SDK1: variants seen among roughly 807,000 people sequenced by gnomAD.
The protein encoded by SDK1 is sidekick cell adhesion molecule 1.
Under a neutral mutation model 245.5 loss-of-function variants are expected in SDK1, and 157 were observed. The ratio of observed to expected loss-of-function variants is 0.64; its 90% CI spans 0.56 to 0.73. The LOEUF is 0.73. SDK1 is among the 30% of genes least tolerant of loss of function. The probability of loss-of-function intolerance (pLI) is 0.00; values close to 1 mark genes in which losing one functional copy is unlikely to be tolerated. For missense variants in SDK1, 3,583 were observed against 3,002.3 expected, an observed-to-expected ratio of 1.19 and a Z score of -4.52; for synonymous variants, 1,647 against 1,278.5, an observed-to-expected ratio of 1.29 and a Z score of -6.15.
intron 44 of SDK1, among the ~76,000 whole-genome samples, 192 bp downstream of exon 44, chr7:4,245,997 G>A (rs564493756): frequency 9.2e-5 from 14 of 152,268 alleles, no homozygotes; most frequent in Admixed American, 3.9e-4. Flanking sequence ...TCTGGGCCCC[G>A]CAGAGCTCAC....
chr7:4,112,765 T>A (rs1232080765), intron 23 of SDK1, among the ~76,000 whole-genome samples: 1 of 151,924 alleles, frequency 6.6e-6, no homozygotes, highest in African/African-American at 2.4e-5. Flanking sequence ...TGCATTTTTT[T>A]TTTTTCTGAG....
In SDK1 at chr7:4,029,227, T is replaced by TG. The variant is rs1318953165; in HGVS notation, c.2602+11875_2602+11876insG. On this transcript the variant is annotated intron_variant, in intron 17 of 44. Transcript: ENST00000404826. Reference sequence around the variant, plus strand: ...CTTTTATTCTTTCTTTTTTTTTTTTTTTGTGAAGAAGTCTCACTCTGTCAT... The same window carrying TG: ...CTTTTATTCTTTCTTTTTTTTTTTTTGTTGTGAAGAAGTCTCACTCTGTCAT... 3.7e-5 allele frequency among the ~76,000 whole-genome samples: 5 copies of TG among 136,346 alleles called. 1 individual carries two copies. The highest frequency in any genetic ancestry group is 1.7e-4 in the African/African-American group (5 of 29,560). 89.4% of individuals were successfully genotyped at this position (136,346 alleles called of 152,430 possible).
chr7:3,625,073 T>A (rs1782072315), intron 2 of SDK1, among the ~76,000 whole-genome samples: 1 of 152,106 alleles, frequency 6.6e-6, no homozygotes, highest in African/African-American at 2.4e-5. Context: ...TATATTCAAA[T>A]GAGTTCTCAA....
At chr7:3,795,205 C>T (rs756728548) in intron 4 of SDK1, among the ~76,000 whole-genome samples, 70 of 152,146 alleles carry the variant, frequency 4.6e-4, no homozygotes, top group Non-Finnish European at 9.1e-4. Flanking sequence ...TGTTAGGACT[C>T]AGACATGTCT....
intron 1 of SDK1, among the ~76,000 whole-genome samples, chr7:3,344,312 C>T (rs1208100284): frequency 1.3e-5 from 2 of 152,276 alleles, no homozygotes; most frequent in South Asian, 2.1e-4. Flanking sequence ...GCATCAAATA[C>T]GTTCACATTG....
intron 2 of SDK1, among the ~76,000 whole-genome samples, chr7:3,626,621 G>C (rs80346012): frequency 0.024 from 3,657 of 152,306 alleles, 155 homozygotes; most frequent in African/African-American, 0.083. Flanking sequence ...AGTACTAAGA[G>C]ATACCCCATT....
chr7:3,403,897 A>T (rs1402794340), intron 1 of SDK1, among the ~76,000 whole-genome samples: 2 of 136,904 alleles, frequency 1.5e-5, no homozygotes, highest in African/African-American at 5.5e-5. Context: ...TATTATATAT[A>T]TATTTATTTA....
intron 1 of SDK1, among the ~76,000 whole-genome samples, chr7:3,481,021 T>C (rs1477910924): frequency 1.3e-5 from 2 of 152,222 alleles, no homozygotes; most frequent in African/African-American, 4.8e-5. Flanking sequence ...TTTTTACCTA[T>C]TCTGACAATA....
intron 40 of SDK1, among the ~76,000 whole-genome samples, chr7:4,222,857 C>G (rs1332705575): frequency 2.6e-5 from 4 of 152,098 alleles, no homozygotes; most frequent in Non-Finnish European, 4.4e-5. Context: ...TGGCCCTTTG[C>G]TAATGACTTT....
At chr7:3,572,899 G>A (rs1780160401) in intron 1 of SDK1, among the ~76,000 whole-genome samples, 1 of 152,066 alleles carries the variant, frequency 6.6e-6, no homozygotes. Flanking sequence ...TCCATTGGAA[G>A]ACATGTTTCA....
intron 4 of SDK1, among the ~76,000 whole-genome samples, chr7:3,719,020 A>G (rs1281092861): frequency 3.3e-5 from 5 of 152,248 alleles, no homozygotes; most frequent in African/African-American, 1.2e-4. Context: ...AATGCCATTT[A>G]TAATTGTTCC....
chr7:3,969,473 C>A, intron 11 of SDK1, 49 bp downstream of exon 11: 4 of 1,421,344 alleles, frequency 2.8e-6, no homozygotes, highest in Admixed American at 2.2e-5. Context: ...ACGGTTTAAT[C>A]ATCACGTCAT....
intron 1 of SDK1, among the ~76,000 whole-genome samples, chr7:3,583,639 A>G (rs561010994): frequency 2.6e-4 from 39 of 152,304 alleles, no homozygotes; most frequent in African/African-American, 8.4e-4. Context: ...AGTCTCTGGC[A>G]TCTGTGCTTC....
chr7:3,429,961 C>T (rs776980471), intron 1 of SDK1, among the ~76,000 whole-genome samples: 1 of 152,188 alleles, frequency 6.6e-6, no homozygotes, highest in Admixed American at 6.5e-5. Flanking sequence ...GTATGTGTCT[C>T]TCTATCTGTA....
chr7:3,486,560 C>A (rs17133420), intron 1 of SDK1, among the ~76,000 whole-genome samples: 39,900 of 151,806 alleles, frequency 0.26, 5,428 homozygotes, highest in East Asian at 0.34. Context: ...TTTTCTGACC[C>A]TGCTGTGGCT....
intron 1 of SDK1, among the ~76,000 whole-genome samples, chr7:3,590,910 G>A (rs1780850078): frequency 6.6e-6 from 1 of 151,354 alleles, no homozygotes; most frequent in African/African-American, 2.4e-5. Context: ...AGCTTCCCAA[G>A]TAGCTGAGAC....
chr7:4,144,140 G>C (rs1584279078), intron 28 of SDK1, among the ~76,000 whole-genome samples: 1 of 152,172 alleles, frequency 6.6e-6, no homozygotes, highest in Middle Eastern at 3.4e-3. Context: ...GGGGAGGCGT[G>C]GGGGAAGGGG....
Position 3,951,887 on chromosome 7 carries a change from C to G in SDK1, c.1117C>G (p.Pro373Ala), listed in dbSNP as rs374281369. The G allele has an allele frequency of 1.2e-6, 2 of 1,613,420 alleles. No homozygotes were observed. Among genetic ancestry groups the G allele is most frequent in the African/African-American group, 1.3e-5 (1 of 75,034 alleles). ...EAALPGSAFE[P>A]ARATAFLFII... The stretch of plus-strand genomic sequence containing the variant: ...GGCGCTGCCGGGGAGCGCTTTTGAA[C>G]CGGCCAGGGCGACGGCCTTTCTTTT... Residue 373 changes from proline to alanine, a missense_variant, in exon 7 of 45, where the codon CCG becomes GCG. Coordinates refer to ENST00000404826, the MANE Select transcript of SDK1 (RefSeq NM_152744.4).
intron 32 of SDK1, among the ~76,000 whole-genome samples, chr7:4,172,331 C>T (rs536340561): frequency 7.2e-5 from 11 of 152,142 alleles, no homozygotes; most frequent in Non-Finnish European, 1.5e-4. Context: ...ATGTGCGTGT[C>T]GCATGCTGCA....
Sources: gnomAD v4.1 joint callset for allele counts (sites outside exome capture counted in the v4.1 genomes callset) on GRCh38, gnomAD v4.1.1 for gene constraint, MANE v1.5 for transcripts, NCBI Gene and HGNC (gene_info 2026-07-23, HGNC 2026-07-21) for gene names.